AFF2: variants seen among roughly 807,000 people sequenced by gnomAD.
The protein encoded by AFF2 is AF4/FMR2 family member 2.
AFF2 carries 14 observed loss-of-function variants against 76.9 expected under a neutral mutation model. That is an observed-to-expected ratio of 0.18 (90% confidence interval 0.12 to 0.28). The LOEUF (loss-of-function observed/expected upper bound fraction) is 0.28. Ranked by LOEUF, AFF2 falls within the 10% of genes least tolerant of loss-of-function variation. AFF2 has a pLI of 1.00. For missense variants in AFF2, 868 were observed against 1,001.1 expected, an observed-to-expected ratio of 0.87 and a Z score of 1.79; for synonymous variants, 398 against 366.7, an observed-to-expected ratio of 1.09 and a Z score of -0.98.
At chrX:148,811,867 T>C (rs1329578312) in intron 4 of AFF2, among the ~76,000 whole-genome samples, 1 of 111,982 alleles carries the variant, frequency 8.9e-6, no homozygotes, top group Non-Finnish European at 1.9e-5. Flanking sequence ...GTTGCCTTAA[T>C]AGGCTCACAA....
chrX:148,597,264 G>A (rs782063041), intron 1 of AFF2, among the ~76,000 whole-genome samples: 1 of 111,328 alleles, frequency 9.0e-6, no homozygotes, highest in South Asian at 3.8e-4. Flanking sequence ...AGGTGGTGGA[G>A]GAGCTGAGGA....
chrX:148,872,857 C>T (rs782469660), intron 7 of AFF2, among the ~76,000 whole-genome samples: 155 of 111,615 alleles, frequency 1.4e-3, no homozygotes, highest in African/African-American at 4.7e-3. Context: ...CATGAGTATT[C>T]AACCGTTATG....
chrX:148,873,412 G>A (rs1340874981), intron 7 of AFF2, among the ~76,000 whole-genome samples: 1 of 109,678 alleles, frequency 9.1e-6, no homozygotes, highest in Non-Finnish European at 1.9e-5. Context: ...CAGCAAGAAT[G>A]GACACCTTTT....
chrX:148,823,191 A>G (rs1876292959), intron 4 of AFF2, among the ~76,000 whole-genome samples: 1 of 111,627 alleles, frequency 9.0e-6, no homozygotes. Context: ...GAGACCATGC[A>G]GCATCGGCCT....
At chrX:148,614,052 T>C (rs1216212595) in intron 1 of AFF2, among the ~76,000 whole-genome samples, 2 of 112,005 alleles carry the variant, frequency 1.8e-5, no homozygotes, top group East Asian at 5.6e-4. Flanking sequence ...ATAAGATATG[T>C]AAGAATTGGC....
At chrX:148,671,531 A>G (rs782557105) in intron 3 of AFF2, among the ~76,000 whole-genome samples, 23 of 111,502 alleles carry the variant, frequency 2.1e-4, no homozygotes, top group Non-Finnish European at 3.2e-4. Context: ...ACAGCTCTAA[A>G]TCTTCTCTTT....
At chrX:148,551,422 A>G (rs187215855) in intron 1 of AFF2, among the ~76,000 whole-genome samples, 1 of 101,690 alleles carries the variant, frequency 9.8e-6, no homozygotes, top group Non-Finnish European at 2.0e-5. Flanking sequence ...CCCTTACCAA[A>G]TTAGTAGTAG....
intron 1 of AFF2, among the ~76,000 whole-genome samples, chrX:148,528,488 G>A (rs1367674402): frequency 9.0e-6 from 1 of 111,089 alleles, no homozygotes; most frequent in African/African-American, 3.3e-5. Context: ...TGGCGTTCCT[G>A]GTGTTCAGCC....
intron 19 of AFF2, among the ~76,000 whole-genome samples, chrX:148,986,709 G>T (rs1405634440): frequency 8.8e-6 from 1 of 113,095 alleles, no homozygotes; most frequent in Non-Finnish European, 1.9e-5. Context: ...GGAGCAAACT[G>T]ACATTGTGGT....
intron 4 of AFF2, among the ~76,000 whole-genome samples, chrX:148,833,124 C>T (rs1352014379): frequency 9.0e-6 from 1 of 111,291 alleles, no homozygotes; most frequent in African/African-American, 3.3e-5. Context: ...CACACATAAA[C>T]ACACATGTGT....
chrX:148,977,782 G>C, intron 16 of AFF2, 151 bp from the exon 17 acceptor site: 1 of 476,516 alleles, frequency 2.1e-6, no homozygotes, highest in Non-Finnish European at 3.7e-6. Flanking sequence ...ATGTTTTCGG[G>C]GAAGCATGCT....
intron 1 of AFF2, among the ~76,000 whole-genome samples, chrX:148,557,523 C>G (rs996120439): frequency 1.8e-5 from 2 of 111,473 alleles, no homozygotes; most frequent in Non-Finnish European, 3.8e-5. Flanking sequence ...GAACGTGGTT[C>G]CTAACTGTAG....
chrX:148,826,186 T>C (rs1028259644), intron 4 of AFF2, among the ~76,000 whole-genome samples: 1 of 90,531 alleles, frequency 1.1e-5, no homozygotes, highest in African/African-American at 4.2e-5. Flanking sequence ...TTTAGAGACA[T>C]CCACTGGCAG....
chrX:148,835,087 T>A (rs2070504497), intron 4 of AFF2, among the ~76,000 whole-genome samples: 1 of 111,939 alleles, frequency 8.9e-6, no homozygotes, highest in Non-Finnish European at 1.9e-5. Flanking sequence ...TTCAAGATAA[T>A]CAGATTCTGC....
intron 2 of AFF2, among the ~76,000 whole-genome samples, chrX:148,655,202 C>T (rs1247475377): frequency 9.1e-6 from 1 of 110,417 alleles, no homozygotes; most frequent in Admixed American, 9.6e-5. Context: ...TAGATGGGAA[C>T]ATTTAGTATA....
intron 1 of AFF2, among the ~76,000 whole-genome samples, chrX:148,513,055 A>G (rs1557233323): frequency 8.9e-6 from 1 of 112,219 alleles, no homozygotes; most frequent in African/African-American, 3.2e-5. Flanking sequence ...TAAATATATC[A>G]TTAGGAGTAT....
intron 2 of AFF2, among the ~76,000 whole-genome samples, chrX:148,658,427 G>C (rs1374311219): frequency 2.7e-5 from 3 of 111,795 alleles, no homozygotes; most frequent in African/African-American, 9.8e-5. Flanking sequence ...TATTTCTCCA[G>C]GTTATCACAG....
Position 148,977,360 on chromosome X carries a change from T to G in AFF2, c.3405-573T>G, listed in dbSNP as rs1223832223. Among the ~76,000 whole-genome samples, 3 of 109,918 alleles carry G rather than the reference T, an allele frequency of 2.7e-5. No homozygotes were observed. In the East Asian group the frequency reaches 8.5e-4, roughly 31 times the overall value. On this transcript the variant is annotated intron_variant, in intron 16 of 20. Transcript: ENST00000370460. ...AGGGTGCTTAGACCTTAAAATGCTG[T>G]GAAATCGACCTTCCTTTAAAAAAAA...
intron 3 of AFF2, among the ~76,000 whole-genome samples, chrX:148,679,958 G>T (rs782177017): frequency 8.9e-6 from 1 of 112,136 alleles, no homozygotes; most frequent in South Asian, 3.7e-4. Context: ...TTTGAAACTA[G>T]TTTATAATCT....
Sources: allele counts gnomAD v4.1 joint callset (sites outside exome capture counted in the v4.1 genomes callset), GRCh38; gene constraint gnomAD v4.1.1; transcripts MANE v1.5; gene names NCBI Gene and HGNC (gene_info 2026-07-23, HGNC 2026-07-21).